The following POT1 variants were observed in gnomAD, a reference collection of about 807,000 sequenced individuals.
POT1 encodes protection of telomeres 1, also known as protection of telomeres protein 1.
Under a neutral mutation model 78.5 loss-of-function variants are expected in POT1, and 47 were observed. That is an observed-to-expected ratio of 0.60 (90% CI 0.47 to 0.76). The LOEUF (loss-of-function observed/expected upper bound fraction) is 0.76, where lower values mean the gene tolerates loss of function less well. Among genes scored for constraint, POT1 ranks in the 30% least tolerant of loss-of-function variants. The pLI is 0.00. For synonymous variants in POT1, 259 were observed against 260.7 expected (o/e 0.99, Z 0.06); for missense variants, 646 against 749.9 (o/e 0.86, Z 1.62).
intron 15 of POT1, among the ~76,000 whole-genome samples, chr7:124,830,968 A>C (rs1040795787): frequency 2.0e-5 from 3 of 152,220 alleles, no homozygotes; most frequent in African/African-American, 7.2e-5. Flanking sequence ...CCAACAAAGA[A>C]ATCAGTAACC....
intron 6 of POT1, among the ~76,000 whole-genome samples, chr7:124,872,009 A>G (rs1795882656): frequency 6.6e-6 from 1 of 152,138 alleles, no homozygotes; most frequent in South Asian, 2.1e-4. Context: ...GTTGACCAAC[A>G]TCTCCCCAAA....
At chr7:124,842,774 GAA>G in intron 13 of POT1, 31 bp downstream of exon 13, 1 of 1,547,586 alleles carries the variant, frequency 6.5e-7, no homozygotes, top group Non-Finnish European at 8.7e-7. Context: ...CAAATAATAT[GAA>G]AACGTTTGTT....
chr7:124,921,184 C>T (rs1249713518), intron 2 of POT1, among the ~76,000 whole-genome samples: 1 of 152,024 alleles, frequency 6.6e-6, no homozygotes, highest in Non-Finnish European at 1.5e-5. Context: ...ACTTAGCAAA[C>T]TGTCATAGTA....
chr7:124,876,373 T>C (rs947913456), intron 6 of POT1, among the ~76,000 whole-genome samples: 3 of 152,168 alleles, frequency 2.0e-5, no homozygotes, highest in Admixed American at 1.3e-4. Flanking sequence ...AAGATAATGA[T>C]TGTTTTTCCT....
chr7:124,852,916 T>C (rs751428333), intron 10 of POT1, 56 bp downstream of exon 10: 17 of 1,492,932 alleles, frequency 1.1e-5, no homozygotes, highest in African/African-American at 2.8e-5. Context: ...CAATATTATC[T>C]TAGAAATCGG....
At chr7:124,842,075 T>C (rs1218482984) in intron 13 of POT1, among the ~76,000 whole-genome samples, 1 of 152,008 alleles carries the variant, frequency 6.6e-6, no homozygotes, top group Non-Finnish European at 1.5e-5. Context: ...TACATGGCGA[T>C]GTACATAGAT....
chr7:124,857,823 G>A (rs974213394), intron 9 of POT1, among the ~76,000 whole-genome samples: 7 of 152,204 alleles, frequency 4.6e-5, no homozygotes, highest in Non-Finnish European at 8.8e-5. Flanking sequence ...AGTGTGGTGT[G>A]AGTCAGTCAC....
chr7:124,834,628 G>A (rs1427458527), intron 15 of POT1, among the ~76,000 whole-genome samples: 2 of 151,614 alleles, frequency 1.3e-5, no homozygotes, highest in Non-Finnish European at 2.9e-5. Context: ...AAACAGGAAT[G>A]CTTTTACACT....
intron 2 of POT1, among the ~76,000 whole-genome samples, chr7:124,926,272 T>A (rs1210702069): frequency 6.6e-6 from 1 of 152,074 alleles, no homozygotes; most frequent in African/African-American, 2.4e-5. Flanking sequence ...CATTAAAAAG[T>A]GGGCTAAGGA....
At position 124,846,929 on chromosome 7, in the gene POT1, T is replaced by C. The variant is rs373911554; in HGVS notation, c.1006+13A>G. 3 of 1,553,506 alleles carry C rather than the reference T, an allele frequency of 1.9e-6. No individual in the cohort carries two copies. The highest frequency in any genetic ancestry group is 2.7e-5 in the African/African-American group (2 of 73,538). On this transcript the variant is annotated intron_variant, in intron 12 of 18. Coordinates refer to ENST00000357628, the MANE Select transcript of POT1 (RefSeq NM_015450.3). ...ATTACTGTGCCCATCTCAAAAATGA[T>C]ACATAGTCTTACTTGTAGCAGATAG...
chr7:124,927,505 C>T (rs910544629), intron 2 of POT1, among the ~76,000 whole-genome samples: 1 of 152,180 alleles, frequency 6.6e-6, no homozygotes, highest in African/African-American at 2.4e-5. Context: ...TACTAGACAA[C>T]AATCTATACA....
intron 17 of POT1, among the ~76,000 whole-genome samples, chr7:124,826,729 G>C (rs1241021264): frequency 1.3e-5 from 2 of 152,146 alleles, no homozygotes; most frequent in African/African-American, 4.8e-5. Flanking sequence ...AATTAGCTGG[G>C]CGTGGTGGTG....
chr7:124,920,192 A>G (rs1797115433), intron 2 of POT1, among the ~76,000 whole-genome samples: 1 of 152,184 alleles, frequency 6.6e-6, no homozygotes, highest in South Asian at 2.1e-4. Context: ...GAAAGAATCC[A>G]AATATTCCTA....
intron 9 of POT1, among the ~76,000 whole-genome samples, chr7:124,854,782 C>A (rs961253369): frequency 5.3e-5 from 8 of 151,720 alleles, no homozygotes; most frequent in African/African-American, 1.9e-4. Context: ...CAAAGTGAGA[C>A]ATTGGAAAAA....
intron 15 of POT1, among the ~76,000 whole-genome samples, chr7:124,829,726 C>CTATATA (rs546858709): frequency 1.3e-4 from 19 of 150,082 alleles, no homozygotes; most frequent in Middle Eastern, 6.9e-3. Flanking sequence ...ATATCTATAT[C>CTATATA]TATATATATA....
chr7:124,907,974 A>G (rs1160365252), intron 3 of POT1, among the ~76,000 whole-genome samples: 2 of 152,086 alleles, frequency 1.3e-5, no homozygotes, highest in African/African-American at 4.8e-5. Flanking sequence ...CAACAGGCAA[A>G]TAATAGCATA....
chr7:124,913,186 A>T (rs891014769), intron 3 of POT1, among the ~76,000 whole-genome samples: 1 of 152,316 alleles, frequency 6.6e-6, no homozygotes, highest in African/African-American at 2.4e-5. Flanking sequence ...CTCCCATGAC[A>T]CATGGGAATT....
chr7:124,884,896 G>A (rs138141509), intron 6 of POT1, among the ~76,000 whole-genome samples: 27 of 152,216 alleles, frequency 1.8e-4, no homozygotes, highest in African/African-American at 5.5e-4. Context: ...TGTGTCTCAA[G>A]TTTAAAAAAT....
intron 8 of POT1, 51 bp downstream of exon 8, chr7:124,863,299 A>G: frequency 6.6e-7 from 1 of 1,511,768 alleles, no homozygotes; most frequent in Non-Finnish European, 9.0e-7. Flanking sequence ...AGCTCTTTAC[A>G]GACATGTAAG....
Sources: gnomAD v4.1 joint callset for allele counts (sites outside exome capture counted in the v4.1 genomes callset) on GRCh38, gnomAD v4.1.1 for gene constraint, MANE v1.5 for transcripts, NCBI Gene and HGNC (gene_info 2026-07-23, HGNC 2026-07-21) for gene names.